Variants in TNRC6C observed in about 807,000 individuals in gnomAD.
TNRC6C encodes the protein trinucleotide repeat-containing gene 6C protein.
Under a neutral mutation model 153.7 loss-of-function variants are expected in TNRC6C, and 20 were observed. That is an observed-to-expected ratio of 0.13 (90% CI 0.09 to 0.19). The LOEUF is 0.19. Ranked by LOEUF, TNRC6C falls within the 10% of genes least tolerant of loss-of-function variation. TNRC6C has a pLI of 1.00. For synonymous variants in TNRC6C, 811 were observed against 841.4 expected (o/e 0.96, Z 0.63); for missense variants, 1,987 against 2,172.0 (o/e 0.91, Z 1.69).
intron 2 of TNRC6C, among the ~76,000 whole-genome samples, chr17:78,037,063 C>T (rs1274755918): frequency 1.3e-5 from 2 of 152,128 alleles, no homozygotes; most frequent in African/African-American, 2.4e-5. Flanking sequence ...AACATTTTGT[C>T]ATAATTCACC....
At chr17:78,090,919 A>C (rs896369617) in intron 13 of TNRC6C, among the ~76,000 whole-genome samples, 1 of 152,216 alleles carries the variant, frequency 6.6e-6, no homozygotes, top group Non-Finnish European at 1.5e-5. Flanking sequence ...GTTCTGGAAA[A>C]GTGTTTTTGA....
intron 1 of TNRC6C, among the ~76,000 whole-genome samples, chr17:78,026,202 C>T (rs1203219186): frequency 1.3e-5 from 2 of 152,214 alleles, no homozygotes; most frequent in East Asian, 3.8e-4. Context: ...TTAGCACTCA[C>T]TGTTGTCAAA....
chr17:77,977,255 T>C (rs974032143), intron 1 of TNRC6C, among the ~76,000 whole-genome samples: 1 of 152,224 alleles, frequency 6.6e-6, no homozygotes, highest in South Asian at 2.1e-4. Context: ...ATAGCTTGAT[T>C]AATTGAATAA....
chr17:78,034,485 C>A (rs1480753307), intron 2 of TNRC6C, among the ~76,000 whole-genome samples: 1 of 151,788 alleles, frequency 6.6e-6, no homozygotes, highest in Non-Finnish European at 1.5e-5. Flanking sequence ...CACTTTACTT[C>A]CAGTTCATTG....
At chr17:78,087,028 G>T (rs1289900110) in exon 13 of TNRC6C, 1 of 1,613,488 alleles carries the variant, frequency 6.2e-7, no homozygotes, top group Non-Finnish European at 8.5e-7. Flanking sequence ...CAGACTCCCG[G>T]CCTACCTGAC....
intron 1 of TNRC6C, among the ~76,000 whole-genome samples, chr17:78,020,093 G>GC (rs2071803573): frequency 6.6e-6 from 1 of 152,186 alleles, no homozygotes; most frequent in South Asian, 2.1e-4. Flanking sequence ...GTTTATCACT[G>GC]CATAATATAA....
At chr17:78,019,098 CG>C (rs1567918163) in intron 1 of TNRC6C, among the ~76,000 whole-genome samples, 2 of 151,930 alleles carry the variant, frequency 1.3e-5, no homozygotes, top group African/African-American at 2.4e-5. Context: ...GAAGGAAGGT[CG>C]GGGGCCTCGG....
intron 3 of TNRC6C, among the ~76,000 whole-genome samples, chr17:78,052,200 T>C (rs2072551266): frequency 6.6e-6 from 1 of 151,792 alleles, no homozygotes. Context: ...TCTCTGGGAG[T>C]GTGAATACTA....
intron 1 of TNRC6C, among the ~76,000 whole-genome samples, chr17:78,018,046 G>A (rs894223729): frequency 2.6e-5 from 4 of 152,144 alleles, no homozygotes; most frequent in East Asian, 1.9e-4. Context: ...TAAAGATAAT[G>A]TCTCTTCTAC....
At chr17:78,013,034 AG>A (rs1478705127) in intron 1 of TNRC6C, among the ~76,000 whole-genome samples, 27 of 152,186 alleles carry the variant, frequency 1.8e-4, no homozygotes, top group Admixed American at 5.9e-4. Context: ...AAGGACAAGG[AG>A]GGGTTGCCTT....
At chr17:78,051,016 G>A (rs1412897113) in exon 3 of TNRC6C, 4 of 1,613,750 alleles carry the variant, frequency 2.5e-6, no homozygotes, top group Non-Finnish European at 3.4e-6. Context: ...GGCCAATCCA[G>A]GTACAAACTG....
rs9894438 is a variant in TNRC6C, at chr17:78,104,848, T to G, written c.*3T>G. 21,361 of 1,412,502 alleles carry G rather than the reference T, an allele frequency of 0.015. 385 individuals are homozygous for G. The highest frequency in any genetic ancestry group is 0.078 in the African/African-American group (5,178 of 66,596). 87.5% of individuals were successfully genotyped at this position (1,412,502 alleles called of 1,614,324 possible). Reference sequence around the variant, plus strand: ...TGCTCAGCGGGGAGTCCCTGTAGGCTCTGCCATCATCAGCACCAGGAGAGC... The same window carrying G: ...TGCTCAGCGGGGAGTCCCTGTAGGCGCTGCCATCATCAGCACCAGGAGAGC... On this transcript the variant is annotated 3_prime_UTR_variant, in exon 20 of 20. Transcript: ENST00000301624. This position sits in a 1 kb window ranked among gnomAD's most constrained non-coding sequence, Gnocchi z 6.2.
rs185192756 is a variant in TNRC6C at position 78,055,239 on chromosome 17, T to C, written c.2395+3782T>C. 7.3e-3 allele frequency among the ~76,000 whole-genome samples: 1,117 copies of C among 152,380 alleles called. 8 individuals are homozygous for C. Among genetic ancestry groups the C allele is most frequent in the South Asian group, 0.016 (76 of 4,832 alleles). On this transcript the variant is annotated intron_variant, in intron 3 of 19. Transcript: ENST00000301624. ...TTTTTTTTTGTACCTTTTAAACTTTTTTGATAACTAAGACACAAACGCACA... is the reference window on the plus strand; with the variant it reads ...TTTTTTTTTGTACCTTTTAAACTTTCTTGATAACTAAGACACAAACGCACA...
chr17:78,076,021 A>G (rs2144350441), intron 8 of TNRC6C, among the ~76,000 whole-genome samples: 1 of 152,168 alleles, frequency 6.6e-6, no homozygotes, highest in East Asian at 1.9e-4. Flanking sequence ...GATCGAGACC[A>G]GCCTGGCCAA....
At chr17:78,093,332 T>G in intron 15 of TNRC6C, 1 of 686,656 alleles carries the variant, frequency 1.5e-6, no homozygotes, top group Middle Eastern at 4.1e-4. Context: ...AACCCTTAGT[T>G]CAGCATGAGG....
intron 1 of TNRC6C, among the ~76,000 whole-genome samples, chr17:77,970,245 T>C (rs1462601082): frequency 1.3e-5 from 2 of 152,170 alleles, no homozygotes; most frequent in Non-Finnish European, 2.9e-5. Flanking sequence ...ACATTTTGTT[T>C]TGTTTCTTGG....
rs1212945702 is a variant in TNRC6C, at chr17:78,098,258, G to A, written c.4307-85G>A. On this transcript the variant is annotated intron_variant, in intron 16 of 19. Coordinates refer to ENST00000301624, the Ensembl canonical transcript of TNRC6C. ...TCACACAGTCTGCTGGTGTTAGAGA[G>A]CACTCTGTGTGGCTCCCCAAACACA... The A allele has an allele frequency of 3.0e-6, 4 of 1,315,256 alleles. No individual in the cohort carries two copies. The Admixed American group carries it at 1.0e-4, about 34-fold the overall frequency. The allele number at this position is 1,315,256 out of a possible 1,614,324, so 81.5% of individuals were successfully genotyped here. A position where few individuals can be genotyped will look rare whatever the true frequency, so the allele number is the denominator to read the frequency against.
At chr17:78,080,205 G>A (rs1356439573) in intron 10 of TNRC6C, among the ~76,000 whole-genome samples, 1 of 152,206 alleles carries the variant, frequency 6.6e-6, no homozygotes, top group Non-Finnish European at 1.5e-5. Context: ...CCAGCACTTT[G>A]GGAGGCCGAG....
At chr17:78,097,988 A>G (rs563381282) in intron 16 of TNRC6C, 127 bp downstream of exon 19, 80 of 838,704 alleles carry the variant, frequency 9.5e-5, no homozygotes, top group Admixed American at 2.0e-4. Flanking sequence ...GTGTGGCGTG[A>G]TGAAGGATGG....
Sources: allele counts gnomAD v4.1 joint callset (sites outside exome capture counted in the v4.1 genomes callset), GRCh38; gene constraint gnomAD v4.1.1; non-coding constraint Gnocchi (gnomAD v3.1); transcripts MANE v1.5; gene names NCBI Gene and HGNC (gene_info 2026-07-23, HGNC 2026-07-21).